The following SIGIRR variants were observed in gnomAD, a reference collection of about 807,000 sequenced individuals.
SIGIRR encodes the protein single Ig IL-1-related receptor.
A neutral mutation model predicts 45.6 loss-of-function variants in SIGIRR; 41 were observed. The observed-to-expected ratio is 0.90, with a 90% CI of 0.70 to 1.17. The LOEUF (loss-of-function observed/expected upper bound fraction) is 1.17. Ranked by LOEUF, SIGIRR falls within the 50% of genes most tolerant of loss-of-function variation. The pLI is 0.00. For synonymous variants in SIGIRR, 298 were observed against 239.0 expected (o/e 1.25, Z -2.28); for missense variants, 599 against 539.6 (o/e 1.11, Z -1.09).
chr11:409,910 C>A lies in SIGIRR; in HGVS notation c.-36G>T. On this transcript the variant is annotated 5_prime_UTR_variant, in exon 2 of 10. Transcript: ENST00000431843. ...CGGGGCCTCCTCGGGGCAGGCTGGGCTCCAGGGTCACCCCTGGCTCCACCG... is the reference window on the plus strand; with the variant it reads ...CGGGGCCTCCTCGGGGCAGGCTGGGATCCAGGGTCACCCCTGGCTCCACCG... The A allele has an allele frequency of 1.5e-6, 2 of 1,301,402 alleles. No individual in the cohort carries two copies. Among genetic ancestry groups the A allele is most frequent in the Non-Finnish European group, 2.0e-6 (2 of 1,018,024 alleles). The allele number at this position is 1,301,402 out of a possible 1,614,324, so 80.6% of individuals were successfully genotyped here.
chr11:410,678 C>T (rs1161684338), intron 1 of SIGIRR, among the ~76,000 whole-genome samples: 3 of 81,228 alleles, frequency 3.7e-5, no homozygotes, highest in African/African-American at 1.6e-4. Flanking sequence ...GGGTGCCCAG[C>T]TCTGACCATG....
At chr11:406,665 GGGGGCCTCAAGGGCGGCTCCCCGCATC>G (rs1564886806) in intron 8 of SIGIRR, 127 bp from the exon 9 acceptor site, 1 of 1,412,348 alleles carries the variant, frequency 7.1e-7, no homozygotes, top group Admixed American at 2.8e-5. Context: ...CCGTGGCTCC[GGGGGCCTCAAGGGCGGCTCCCCGCATC>G]GGGGCCCCAG....
chr11:414,807 C>T lies in SIGIRR; in HGVS notation c.-154+16G>A, dbSNP rs545278639. ...CCTGACACAGGCTCACTCAGAGCAG[C>T]GGGGAAGGCAGTCACCTGGTTCCAG... is the stretch of plus-strand genomic sequence containing the variant. On this transcript the variant is annotated intron_variant, in intron 1 of 9. Coordinates refer to ENST00000431843, the MANE Select transcript of SIGIRR (RefSeq NM_001135054.2). 1.0e-5 allele frequency: 10 copies of T among 985,512 alleles called. No individual in the cohort carries two copies. Among genetic ancestry groups the T allele is most frequent in the African/African-American group, 3.5e-5 (2 of 57,332 alleles). The allele number at this position is 985,512 out of a possible 1,614,324, so 61.0% of individuals were successfully genotyped here.
Position 407,183 on chromosome 11 carries a change from CGGCGGCGCAGGGGCGGGGGCGGGGGAG to C in SIGIRR, c.626-46_626-20del. 1 of 643,172 alleles carries C rather than the reference CGGCGGCGCAGGGGCGGGGGCGGGGGAG, an allele frequency of 1.6e-6. No individual in the cohort carries two copies. Among genetic ancestry groups the C allele is most frequent in the Non-Finnish European group, 2.0e-6 (1 of 490,376 alleles). 39.8% of individuals were successfully genotyped at this position (643,172 alleles called of 1,614,324 possible). Reference sequence around the variant, plus strand: ...GAGGGCTCTGCGGGAGGGCGGGCGTCGGCGGCGCAGGGGCGGGGGCGGGGGAGGGCGGGGCCGGAGGCTCAGGGGCGG... The same window carrying C: ...GAGGGCTCTGCGGGAGGGCGGGCGTCGGCGGGGCCGGAGGCTCAGGGGCGG... On this transcript the variant is annotated intron_variant, in intron 6 of 9. Transcript: ENST00000431843.
chr11:410,087 C>T (rs1019842864), intron 1 of SIGIRR, 60 bp from the exon 2 acceptor site: 76 of 1,227,778 alleles, frequency 6.2e-5, no homozygotes, highest in Admixed American at 8.0e-5. Flanking sequence ...CAGTAACTGC[C>T]GGCCACAGAC....
At chr11:406,313 C>T in intron 9 of SIGIRR, 36 bp downstream of exon 9, 1 of 1,605,884 alleles carries the variant, frequency 6.2e-7, no homozygotes, top group South Asian at 1.1e-5. Context: ...CTGTGCTGAG[C>T]TTCTCCAGTT....
intron 3 of SIGIRR, 57 bp from the exon 4 acceptor site, chr11:408,263 A>C (rs1030938222): frequency 2.6e-5 from 41 of 1,586,276 alleles, no homozygotes; most frequent in Non-Finnish European, 3.3e-5. Context: ...ACACCCCCGA[A>C]CCCCACCTGT....
At chr11:406,222 A>G in intron 9 of SIGIRR, 127 bp downstream of exon 9, 1 of 1,540,168 alleles carries the variant, frequency 6.5e-7, no homozygotes, top group Non-Finnish European at 8.7e-7. Context: ...GAGGCCGTGC[A>G]GGGGCTCCCG....
chr11:414,341 T>C (rs1335515846), intron 1 of SIGIRR, among the ~76,000 whole-genome samples: 1 of 38,936 alleles, frequency 2.6e-5, no homozygotes, highest in Admixed American at 3.2e-4. Flanking sequence ...CCCTGCACCC[T>C]CTCCCCTGCA....
In SIGIRR at chr11:405,968, G is replaced by C. The variant is rs1430030208; in HGVS notation, c.1161C>G (p.Val387=). The change falls in exon 10 of 10, where the codon GTC becomes GTG. Residue 387 remains valine (V), a synonymous_variant. Coordinates refer to ENST00000431843, the MANE Select transcript of SIGIRR (RefSeq NM_001135054.2). ...TGTAGTTTCGCGAGCCGAGATCCGA[G>C]ACGTCCACTTCGCTGCTCCGGCTCT... ...LGESRSSEVD[V]SDLGSRNYSA... 6.2e-7 allele frequency: 1 copy of C among 1,612,506 alleles called. No individual in the cohort carries two copies. Among genetic ancestry groups the C allele is most frequent in the South Asian group, 1.1e-5 (1 of 91,078 alleles).
In SIGIRR at chr11:407,384, G is replaced by A. The variant is rs1459401328; in HGVS notation, c.625+41C>T. On this transcript the variant is annotated intron_variant, in intron 6 of 9. Transcript: ENST00000431843. The stretch of plus-strand genomic sequence containing the variant: ...CGGAGCATGGGGCGGGGCGGGGCGG[G>A]CCCTCCGGGTGGGCGGGGCACGGGG... 1.1e-3 allele frequency: 1,241 copies of A among 1,126,698 alleles called. 1 individual carries two copies. The highest frequency in any genetic ancestry group is 1.4e-3 in the Non-Finnish European group (1,198 of 873,060). The allele number at this position is 1,126,698 out of a possible 1,614,324, so 69.8% of individuals were successfully genotyped here.
rs1325701942 is a variant in SIGIRR at position 407,420 on chromosome 11, G to C, written c.625+5C>G. On this transcript the variant is annotated splice_donor_5th_base_variant and intron_variant, in intron 6 of 9. Transcript: ENST00000431843. ...GGGCGGGGCACGGGGTGGGGCCCGGGATACCAGCGCGCGGCAGGAGGTCGC... is the reference window on the plus strand; with the variant it reads ...GGGCGGGGCACGGGGTGGGGCCCGGCATACCAGCGCGCGGCAGGAGGTCGC... 5.2e-6 allele frequency: 8 copies of C among 1,542,948 alleles called. No individual in the cohort carries two copies. The Admixed American group carries it at 9.8e-5, about 19-fold the overall frequency.
At chr11:410,623 G>GT (rs1249273793) in intron 1 of SIGIRR, among the ~76,000 whole-genome samples, 1 of 59,788 alleles carries the variant, frequency 1.7e-5, no homozygotes, top group Non-Finnish European at 3.6e-5. Context: ...TGCAGTCGGG[G>GT]GGGGGGGGTG....
At position 407,809 on chromosome 11, in the gene SIGIRR, C is replaced by G. The variant is rs767907903; in HGVS notation, c.481+8G>C. The G allele has an allele frequency of 3.1e-6, 5 of 1,612,458 alleles. No homozygotes were observed. The highest frequency in any genetic ancestry group is 4.2e-6 in the Non-Finnish European group (5 of 1,179,832). ...ACCCCTCCTCGCGCCCACGCGGGCC[C>G]CACGCACCGTTTATCTCCACCTCCC... is the stretch of plus-strand genomic sequence containing the variant. On this transcript the variant is annotated splice_region_variant and intron_variant, in intron 5 of 9. Transcript: ENST00000431843.
At chr11:416,920 GC>G (rs1266061082), upstream of SIGIRR, among the ~76,000 whole-genome samples, 1 of 152,162 alleles carries the variant, frequency 6.6e-6, no homozygotes, top group East Asian at 1.9e-4. This position sits in a 1 kb window ranked among gnomAD's most constrained non-coding sequence, Gnocchi z 9.1. Context: ...GCGAGCTCGG[GC>G]CCCAGCCTGA....
rs958025895 is a variant in SIGIRR at position 408,556 on chromosome 11, C to T, written c.206+139G>A. 3.0e-5 allele frequency: 31 copies of T among 1,023,408 alleles called. No individual in the cohort carries two copies. In the African/African-American group the frequency reaches 3.5e-4, roughly 11 times the overall value. The allele number at this position is 1,023,408 out of a possible 1,614,324, so 63.4% of individuals were successfully genotyped here. Reference sequence around the variant, plus strand: ...AGGGTCTGTCCCTGACATTACTGACCCTCCGTCTGGGTCCACAGAGGCACT... The same window carrying T: ...AGGGTCTGTCCCTGACATTACTGACTCTCCGTCTGGGTCCACAGAGGCACT... On this transcript the variant is annotated intron_variant, in intron 3 of 9. Transcript: ENST00000431843.
Position 410,011 on chromosome 11 carries a change from C to A in SIGIRR, c.-137G>T. On this transcript the variant is annotated 5_prime_UTR_variant, in exon 2 of 10. Coordinates refer to ENST00000431843, the MANE Select transcript of SIGIRR (RefSeq NM_001135054.2). ...TCCTTGCAGTCAGCTGGACAGGGCA[C>A]CTGGACAGGTCAGAGGCTGCCGCCA... is the stretch of plus-strand genomic sequence containing the variant. 1 of 1,243,588 alleles carries A rather than the reference C, an allele frequency of 8.0e-7. No individual in the cohort carries two copies. The highest frequency in any genetic ancestry group is 3.8e-5 in the South Asian group (1 of 26,312). The allele number at this position is 1,243,588 out of a possible 1,614,324, so 77.0% of individuals were successfully genotyped here.
chr11:406,409 G>C lies in SIGIRR; in HGVS notation c.1009C>G (p.Arg337Gly), dbSNP rs778148546. 1 of 1,612,598 alleles carries C rather than the reference G, an allele frequency of 6.2e-7. No homozygotes were observed. The highest frequency in any genetic ancestry group is 1.3e-5 in the African/African-American group (1 of 74,938). ...TCCAGGGCCCGGCCCTCAGGGACTC[G>C]GCCTCGAAGAATCAGCATGGGGTCC... ...DKDPMLILRGRVPEGRALDSE... is the reference protein window; with the variant it reads ...DKDPMLILRGGVPEGRALDSE... The change falls in exon 9 of 10, where the codon CGA becomes GGA. Residue 337 changes from arginine (R) to glycine (G), a missense_variant. Arg to Gly is a moderately radical substitution (Grantham distance 125). Transcript: ENST00000431843.
rs777028104 is a variant in SIGIRR, at chr11:406,961, C to A, written c.761G>T (p.Arg254Leu). The A allele has an allele frequency of 6.2e-7, 1 of 1,601,304 alleles. No individual in the cohort carries two copies. Residue 254 changes from arginine to leucine, a missense_variant, in exon 8 of 10, where the codon CGC becomes CTC. By Grantham distance (102) the Arg-to-Leu change is moderately radical. Transcript: ENST00000431843. ...CTCGAAGGTGATGAAGATGGGTCTGCGGGTGAGCTCCAGCAGCCGGCACAG... is the reference window on the plus strand; with the variant it reads ...CTCGAAGGTGATGAAGATGGGTCTGAGGGTGAGCTCCAGCAGCCGGCACAG... ...EGLCRLLELT[R>L]RPIFITFEGQ...
Sources: allele counts gnomAD v4.1 joint callset (sites outside exome capture counted in the v4.1 genomes callset), GRCh38; gene constraint gnomAD v4.1.1; non-coding constraint Gnocchi (gnomAD v3.1); transcripts MANE v1.5; gene names NCBI Gene and HGNC (gene_info 2026-07-23, HGNC 2026-07-21).